Variants in NR3C2 observed in about 807,000 individuals in gnomAD.
NR3C2 encodes mineralocorticoid receptor.
In NR3C2, 15 loss-of-function variants were observed where a neutral mutation model predicts 86.4. The observed-to-expected ratio is 0.17, with a 90% CI of 0.12 to 0.27. NR3C2 has a LOEUF of 0.27. Among genes scored for constraint, NR3C2 ranks in the 10% least tolerant of loss-of-function variants. The pLI is 1.00. For synonymous variants in NR3C2, 458 were observed against 450.5 expected, an observed-to-expected ratio of 1.02 and a Z score of -0.21; for missense variants, 960 against 1,195.6, an observed-to-expected ratio of 0.80 and a Z score of 2.91.
chr4:148,434,954 C>T (rs1213840171), intron 2 of NR3C2, 150 bp downstream of exon 2: 1 of 735,604 alleles, frequency 1.4e-6, no homozygotes, highest in East Asian at 2.7e-5. Flanking sequence ...AAAAAAATAA[C>T]ATTATATCAA....
chr4:148,319,183 T>C (rs1743407211), intron 2 of NR3C2, among the ~76,000 whole-genome samples: 1 of 151,876 alleles, frequency 6.6e-6, no homozygotes, highest in Non-Finnish European at 1.5e-5. Context: ...GATCAGATAG[T>C]TGTAGATATG....
intron 1 of NR3C2, among the ~76,000 whole-genome samples, chr4:148,441,360 T>C (rs539022621): frequency 6.6e-6 from 1 of 152,344 alleles, no homozygotes; most frequent in East Asian, 1.9e-4. Context: ...TATGTAAATA[T>C]CATCAATAAC....
At chr4:148,160,869 C>T (rs1189088207) in intron 4 of NR3C2, among the ~76,000 whole-genome samples, 1 of 152,158 alleles carries the variant, frequency 6.6e-6, no homozygotes, top group Non-Finnish European at 1.5e-5. Context: ...CCCAATAACC[C>T]TAATTGTTCT....
chr4:148,213,651 T>C (rs1295052314), intron 3 of NR3C2, among the ~76,000 whole-genome samples: 2 of 151,740 alleles, frequency 1.3e-5, no homozygotes, highest in African/African-American at 2.4e-5. Flanking sequence ...AGACAGCCAT[T>C]CTGCCTAAAA....
intron 2 of NR3C2, among the ~76,000 whole-genome samples, chr4:148,346,804 A>C (rs1195295899): frequency 8.5e-6 from 1 of 117,980 alleles, no homozygotes; most frequent in Admixed American, 8.1e-5. Flanking sequence ...GGCTACTAGA[A>C]AACTTACAAT....
At chr4:148,419,239 T>A (rs1749156388) in intron 2 of NR3C2, among the ~76,000 whole-genome samples, 1 of 152,198 alleles carries the variant, frequency 6.6e-6, no homozygotes, top group Non-Finnish European at 1.5e-5. Flanking sequence ...CTATTGGTAG[T>A]GGATCACAAT....
intron 2 of NR3C2, among the ~76,000 whole-genome samples, chr4:148,324,220 A>T (rs2149959102): frequency 6.6e-6 from 1 of 152,232 alleles, no homozygotes; most frequent in East Asian, 1.9e-4. Context: ...GTCGCACGGT[A>T]TTTGTCTTTC....
In NR3C2 at chr4:148,435,940, C is replaced by T. The variant is rs1012370776; in HGVS notation, c.921G>A (p.Arg307=). The T allele has an allele frequency of 2.5e-6, 4 of 1,614,116 alleles. No individual in the cohort carries two copies. The Admixed American group carries it at 5.0e-5, about 20-fold the overall frequency. The stretch of plus-strand genomic sequence containing the variant: ...TGTTCGAAGGGCTGGAAACAGAGCA[C>T]CTTGAGTTGTTAATATTTGCAGGGC... ...VSSPANINNS[R]CSVSSPSNTN... Residue 307 remains arginine, a synonymous_variant, in exon 2 of 9, where the codon AGG becomes AGA. Coordinates refer to ENST00000358102, the MANE Select transcript of NR3C2 (RefSeq NM_000901.5).
intron 6 of NR3C2, among the ~76,000 whole-genome samples, chr4:148,126,711 G>C (rs947616867): frequency 6.6e-6 from 1 of 152,282 alleles, no homozygotes; most frequent in Admixed American, 6.5e-5. Flanking sequence ...ACTGCAGTAT[G>C]AACAGCATCT....
chr4:148,157,372 C>G (rs369108442), intron 4 of NR3C2, among the ~76,000 whole-genome samples: 1 of 152,028 alleles, frequency 6.6e-6, no homozygotes, highest in African/African-American at 2.4e-5. Context: ...GTTCTAAATG[C>G]TCTATATAAA....
Position 148,425,882 on chromosome 4 carries a change from T to C in NR3C2, c.1757+9222A>G, listed in dbSNP as rs148385074. Among the ~76,000 whole-genome samples the C allele has an allele frequency of 3.3e-5, 5 of 152,306 alleles. No individual in the cohort carries two copies. In the East Asian group the frequency reaches 9.7e-4, roughly 29 times the overall value. The stretch of plus-strand genomic sequence containing the variant: ...AATACTGTCTCCGTCTCAGTTTTCA[T>C]ATCTGTAAAATAGTGACGGCAGTCA... On this transcript the variant is annotated intron_variant, in intron 2 of 8. Coordinates refer to ENST00000358102, the MANE Select transcript of NR3C2 (RefSeq NM_000901.5).
intron 3 of NR3C2, among the ~76,000 whole-genome samples, chr4:148,234,336 C>T (rs1738626897): frequency 6.6e-6 from 1 of 152,062 alleles, no homozygotes; most frequent in Admixed American, 6.5e-5. Flanking sequence ...GATTGCCCAA[C>T]ATTTCAATGG....
intron 6 of NR3C2, among the ~76,000 whole-genome samples, chr4:148,135,123 G>A (rs919455514): frequency 4.6e-5 from 7 of 152,156 alleles, no homozygotes; most frequent in African/African-American, 1.7e-4. Flanking sequence ...TGGCAGCAAT[G>A]TTTTCTGCAA....
chr4:148,135,423 G>T (rs1220957299), intron 6 of NR3C2, among the ~76,000 whole-genome samples: 1 of 152,108 alleles, frequency 6.6e-6, no homozygotes, highest in African/African-American at 2.4e-5. Flanking sequence ...CAGCAACAAG[G>T]TGCCATCTTG....
At chr4:148,221,893 T>TA (rs11378484) in intron 3 of NR3C2, among the ~76,000 whole-genome samples, 51,535 of 122,494 alleles carry the variant, frequency 0.42, 10,830 homozygotes, top group East Asian at 0.52. Flanking sequence ...GACTCTGTCT[T>TA]AAAAAAAAAA....
At chr4:148,443,524 C>T (rs924033808), upstream of NR3C2, among the ~76,000 whole-genome samples, 19 of 151,224 alleles carry the variant, frequency 1.3e-4, no homozygotes, top group African/African-American at 3.9e-4. Context: ...TTCCCTCCAA[C>T]CGCCCCCTCC....
intron 4 of NR3C2, among the ~76,000 whole-genome samples, chr4:148,170,095 G>A (rs534627912): frequency 3.3e-5 from 5 of 152,316 alleles, no homozygotes; most frequent in African/African-American, 1.2e-4. Flanking sequence ...TCTTTGTGTA[G>A]AAATGGTCCT....
intron 8 of NR3C2, among the ~76,000 whole-genome samples, chr4:148,110,856 C>T (rs1338741706): frequency 6.6e-6 from 1 of 152,030 alleles, no homozygotes; most frequent in African/African-American, 2.4e-5. Flanking sequence ...AAATGATTTC[C>T]AAGACACAGG....
intron 2 of NR3C2, among the ~76,000 whole-genome samples, chr4:148,364,564 C>T (rs1055370922): frequency 6.6e-5 from 10 of 152,186 alleles, no homozygotes; most frequent in Non-Finnish European, 1.3e-4. Flanking sequence ...CAATCCTTAA[C>T]AATATGTGTT....
Sources: allele counts gnomAD v4.1 joint callset (sites outside exome capture counted in the v4.1 genomes callset), GRCh38; gene constraint gnomAD v4.1.1; transcripts MANE v1.5; gene names NCBI Gene and HGNC (gene_info 2026-07-23, HGNC 2026-07-21).